The following CCNB3 variants were observed in gnomAD, a reference collection of about 807,000 sequenced individuals.
The protein encoded by CCNB3 is G2/mitotic-specific cyclin-B3.
CCNB3 carries 12 observed loss-of-function variants against 68.0 expected under a neutral mutation model. The observed-to-expected ratio is 0.18, with a 90% CI of 0.11 to 0.29. The LOEUF is 0.29. Among genes scored for constraint, CCNB3 ranks in the 10% least tolerant of loss-of-function variants. The pLI, the probability that CCNB3 is intolerant of heterozygous loss-of-function variation, is 1.00. For missense variants in CCNB3, 904 were observed against 993.1 expected (o/e 0.91, Z 1.21); for synonymous variants, 354 against 388.9 (o/e 0.91, Z 1.06).
intron 8 of CCNB3, among the ~76,000 whole-genome samples, chrX:50,338,611 C>T (rs928234709): frequency 1.4e-4 from 16 of 112,086 alleles, no homozygotes; most frequent in Non-Finnish European, 2.4e-4. Context: ...TGGAATGCAG[C>T]GCCAGGCTGT....
intron 1 of CCNB3, among the ~76,000 whole-genome samples, chrX:50,228,689 TAC>T (rs1449851258): frequency 1.3e-5 from 1 of 79,842 alleles, no homozygotes; most frequent in African/African-American, 5.1e-5. Flanking sequence ...ATAGAATATA[TAC>T]ATAGAATATA....
chrX:50,206,637 G>T (rs183182521), intron 1 of CCNB3, among the ~76,000 whole-genome samples: 1 of 109,932 alleles, frequency 9.1e-6, no homozygotes, highest in Admixed American at 9.7e-5. Flanking sequence ...AGCTGGGCAC[G>T]GTGGCTCACT....
At chrX:50,326,220 A>G (rs12010431) in intron 8 of CCNB3, among the ~76,000 whole-genome samples, 5,979 of 111,409 alleles carry the variant, frequency 0.054, 368 homozygotes, top group African/African-American at 0.18. Flanking sequence ...GATAATTTGC[A>G]TATTTTAGTT....
chrX:50,225,298 CAG>C (rs1480506435), intron 1 of CCNB3, among the ~76,000 whole-genome samples: 2 of 110,913 alleles, frequency 1.8e-5, no homozygotes, highest in Admixed American at 9.7e-5. Context: ...ATACCAGGTA[CAG>C]AGAGTTTGGT....
At chrX:50,322,096 A>C (rs1922049127) in intron 8 of CCNB3, among the ~76,000 whole-genome samples, 1 of 103,602 alleles carries the variant, frequency 9.7e-6, no homozygotes, top group Non-Finnish European at 2.0e-5. Context: ...GAACCAAAAA[A>C]AGAGCCCACA....
intron 1 of CCNB3, among the ~76,000 whole-genome samples, chrX:50,227,423 A>T (rs1268548774): frequency 2.3e-5 from 2 of 88,630 alleles, no homozygotes; most frequent in African/African-American, 8.2e-5. Flanking sequence ...GAATATTTAT[A>T]AATATATACA....
intron 8 of CCNB3, among the ~76,000 whole-genome samples, chrX:50,326,147 T>C (rs61670971): frequency 0.034 from 3,804 of 111,638 alleles, 171 homozygotes; most frequent in African/African-American, 0.12. Flanking sequence ...GAATATAGTG[T>C]TTATTTTGTT....
intron 5 of CCNB3, among the ~76,000 whole-genome samples, chrX:50,302,162 C>A (rs1261269683): frequency 8.9e-6 from 1 of 112,213 alleles, no homozygotes; most frequent in East Asian, 2.8e-4. Flanking sequence ...GTCTGGCACT[C>A]CCCAGTGAGG....
intron 1 of CCNB3, among the ~76,000 whole-genome samples, chrX:50,226,334 A>G (rs1426873391): frequency 1.7e-5 from 1 of 57,414 alleles, no homozygotes; most frequent in Non-Finnish European, 2.9e-5. Flanking sequence ...ATAGAAATAT[A>G]TATATAGAAT....
intron 1 of CCNB3, among the ~76,000 whole-genome samples, chrX:50,214,538 A>G (rs1434570117): frequency 4.7e-5 from 3 of 64,002 alleles, no homozygotes; most frequent in African/African-American, 1.4e-4. Flanking sequence ...ATATATGTAT[A>G]TATGGTATCA....
Position 50,279,599 on chromosome X carries a change from A to AATATAT in CCNB3, c.-112-4941_-112-4940insATATAT, listed in dbSNP as rs1936056538. Among the ~76,000 whole-genome samples, 68 of 88,035 alleles carry AATATAT rather than the reference A, an allele frequency of 7.7e-4. 1 individual carries two copies. Among genetic ancestry groups the AATATAT allele is most frequent in the African/African-American group, 2.5e-3 (60 of 24,296 alleles). The allele number at this position is 88,035 out of a possible 115,157, so 76.4% of individuals were successfully genotyped here. A position where few individuals can be genotyped will look rare whatever the true frequency, so the allele number is the denominator to read the frequency against. On this transcript the variant is annotated intron_variant, in intron 1 of 12. Transcript: ENST00000376042. ...ATATATAAATATATATTCATATGTA[A>AATATAT]ATGTATATGCATATGTACATTCATC...
At chrX:50,312,358 C>T (rs1403215661) in intron 6 of CCNB3, among the ~76,000 whole-genome samples, 179 bp from the exon 7 acceptor site, 1 of 111,505 alleles carries the variant, frequency 9.0e-6, no homozygotes, top group Admixed American at 9.6e-5. Context: ...TTCTTGATCC[C>T]TGGACCATAT....
Position 50,309,562 on chromosome X carries a change from T to G in CCNB3, c.1393T>G (p.Ser465Ala), listed in dbSNP as rs782662713. 9.1e-6 allele frequency: 11 copies of G among 1,207,114 alleles called. No homozygotes were observed. Among genetic ancestry groups the G allele is most frequent in the Non-Finnish European group, 1.2e-5 (11 of 894,174 alleles). ...CTTGCTAAAGTCTCCAACTGAGGAG[T>G]CACCTTTTGATGAGGCTTTGGCTTT... ...SSLLKSPTEE[S>A]PFDEALAFTK... The change falls in exon 6 of 13, where the codon TCA becomes GCA. Residue 465 changes from serine to alanine, a missense_variant. Ser to Ala is a moderately conservative substitution (Grantham distance 99). This residue lies in a region of CCNB3 where 619 missense variants were observed against 609.8 expected (regional missense o/e 1.02). Transcript: ENST00000376042.
At chrX:50,280,906 C>T (rs1026708940) in intron 1 of CCNB3, among the ~76,000 whole-genome samples, 2 of 109,680 alleles carry the variant, frequency 1.8e-5, no homozygotes, top group Non-Finnish European at 3.8e-5. Flanking sequence ...ACTATAGGTA[C>T]GCGCCACTAC....
At chrX:50,284,668 C>T (rs1936203760) in intron 2 of CCNB3, 52 bp downstream of exon 2, 1 of 124,946 alleles carries the variant, frequency 8.0e-6, no homozygotes, top group Admixed American at 7.9e-5. Context: ...TTGCCAGGAC[C>T]CCATGCCTTT....
intron 1 of CCNB3, among the ~76,000 whole-genome samples, chrX:50,226,128 T>A (rs1383457905): frequency 1.3e-5 from 1 of 77,584 alleles, no homozygotes; most frequent in African/African-American, 4.9e-5. Flanking sequence ...ATATATTCGA[T>A]ATATATAAAT....
At chrX:50,226,294 A>ATATATATATT (rs1935789788) in intron 1 of CCNB3, among the ~76,000 whole-genome samples, 17 of 65,369 alleles carry the variant, frequency 2.6e-4, no homozygotes, top group African/African-American at 3.3e-4. Context: ...TATATATAGA[A>ATATATATATT]TATATATATA....
chrX:50,336,142 G>T (rs931759820), intron 8 of CCNB3, among the ~76,000 whole-genome samples: 1 of 112,033 alleles, frequency 8.9e-6, no homozygotes, highest in Non-Finnish European at 1.9e-5. Flanking sequence ...TTGCCCTTCA[G>T]CCAGATTGAA....
intron 1 of CCNB3, among the ~76,000 whole-genome samples, chrX:50,226,981 TATATATAGAATATATAA>T (rs1935857232): frequency 1.4e-5 from 1 of 72,059 alleles, no homozygotes; most frequent in Non-Finnish European, 2.4e-5. Flanking sequence ...ATATATAGTA[TATATATAGAATATATAA>T]ATATATAGAA....
Sources: gnomAD v4.1 joint callset for allele counts (sites outside exome capture counted in the v4.1 genomes callset) on GRCh38, gnomAD v4.1.1 for gene constraint, gnomAD v4.1.1 regional missense constraint, MANE v1.5 for transcripts, NCBI Gene and HGNC (gene_info 2026-07-23, HGNC 2026-07-21) for gene names.